The following XPR1 variants were observed in gnomAD, a reference collection of about 807,000 sequenced individuals.
XPR1 encodes the protein solute carrier family 53 member 1.
Under a neutral mutation model 87.5 loss-of-function variants are expected in XPR1, and 28 were observed. The ratio of observed to expected loss-of-function variants is 0.32; its 90% CI spans 0.24 to 0.44. The LOEUF (loss-of-function observed/expected upper bound fraction) is 0.44, where lower values mean the gene tolerates loss of function less well. Among genes scored for constraint, XPR1 ranks in the 20% least tolerant of loss-of-function variants. The pLI is 1.00. For synonymous variants in XPR1, 300 were observed against 306.1 expected, an observed-to-expected ratio of 0.98 and a Z score of 0.21; for missense variants, 559 against 862.3, an observed-to-expected ratio of 0.65 and a Z score of 4.41.
rs932723938 is a variant in XPR1, at chr1:180,720,279, A to G, written c.121+37868A>G. 5.3e-5 allele frequency among the ~76,000 whole-genome samples: 8 copies of G among 152,190 alleles called. No individual in the cohort carries two copies. The South Asian group carries it at 8.3e-4, about 16-fold the overall frequency. On this transcript the variant is annotated intron_variant, in intron 2 of 14. Transcript: ENST00000367590. Reference sequence around the variant, plus strand: ...ATAAACCTGATTATGAGGGATGGCAAATGTAATAATATATTGACAAAGGGT... The same window carrying G: ...ATAAACCTGATTATGAGGGATGGCAGATGTAATAATATATTGACAAAGGGT...
intron 2 of XPR1, among the ~76,000 whole-genome samples, chr1:180,752,014 A>G (rs1647553918): frequency 1.3e-5 from 2 of 152,180 alleles, no homozygotes; most frequent in Non-Finnish European, 2.9e-5. Context: ...AAAAATACCA[A>G]TATAATGATA....
At chr1:180,832,893 G>A (rs1651122445) in intron 9 of XPR1, among the ~76,000 whole-genome samples, 1 of 152,298 alleles carries the variant, frequency 6.6e-6, no homozygotes, top group South Asian at 2.1e-4. Flanking sequence ...TTACAATTCT[G>A]TGAAGAAAAT....
chr1:180,780,303 G>A (rs1377037376), intron 2 of XPR1, among the ~76,000 whole-genome samples: 1 of 152,074 alleles, frequency 6.6e-6, no homozygotes, highest in Non-Finnish European at 1.5e-5. Flanking sequence ...TCTAATTTCT[G>A]CATATTCTTA....
At chr1:180,831,370 T>TTTTC (rs1651058851) in intron 9 of XPR1, among the ~76,000 whole-genome samples, 1 of 149,592 alleles carries the variant, frequency 6.7e-6, no homozygotes, top group Non-Finnish European at 1.5e-5. Flanking sequence ...TTCTTTTTTT[T>TTTTC]TTTTTTTTTT....
intron 2 of XPR1, among the ~76,000 whole-genome samples, chr1:180,758,528 T>C (rs1347073101): frequency 6.6e-6 from 1 of 151,890 alleles, no homozygotes; most frequent in Admixed American, 6.6e-5. Context: ...GTCAACATGG[T>C]GAAACCCCAT....
At chr1:180,756,151 G>T (rs1647729038) in intron 2 of XPR1, among the ~76,000 whole-genome samples, 1 of 152,142 alleles carries the variant, frequency 6.6e-6, no homozygotes, top group Non-Finnish European at 1.5e-5. Context: ...TCCTGCCAAA[G>T]ATGCATAACT....
intron 1 of XPR1, among the ~76,000 whole-genome samples, chr1:180,660,782 A>G (rs1655743517): frequency 6.6e-6 from 1 of 152,214 alleles, no homozygotes; most frequent in African/African-American, 2.4e-5. Flanking sequence ...TCTATCCTTG[A>G]GAATGATCCA....
At chr1:180,850,921 T>A (rs66520411) in intron 11 of XPR1, among the ~76,000 whole-genome samples, 28,212 of 149,234 alleles carry the variant, frequency 0.19, 3,064 homozygotes, top group Middle Eastern at 0.31. Flanking sequence ...ATTGTACCAA[T>A]GTACTCCTGC....
chr1:180,813,100 A>C (rs1009347945), intron 7 of XPR1, among the ~76,000 whole-genome samples: 2 of 139,696 alleles, frequency 1.4e-5, no homozygotes, highest in African/African-American at 5.3e-5. Flanking sequence ...ATTCATGGCT[A>C]CTCTTAAAAT....
chr1:180,774,288 A>G (rs1455316432), intron 2 of XPR1, among the ~76,000 whole-genome samples: 2 of 152,246 alleles, frequency 1.3e-5, no homozygotes, highest in Non-Finnish European at 2.9e-5. Context: ...TTTTGCAACA[A>G]AGATGTAGTT....
At chr1:180,844,205 C>T (rs993881072) in intron 11 of XPR1, among the ~76,000 whole-genome samples, 5 of 151,928 alleles carry the variant, frequency 3.3e-5, no homozygotes, top group Non-Finnish European at 5.9e-5. Context: ...GGCAAGACTC[C>T]GTCTAAGAAA....
At chr1:180,845,552 T>G (rs1651653452) in intron 11 of XPR1, among the ~76,000 whole-genome samples, 1 of 152,210 alleles carries the variant, frequency 6.6e-6, no homozygotes, top group Admixed American at 6.5e-5. Context: ...GGTCTTGCTC[T>G]GTCACCCAGG....
chr1:180,694,773 G>GCACACA (rs56118040), intron 2 of XPR1, among the ~76,000 whole-genome samples: 1,535 of 149,622 alleles, frequency 0.01, 19 homozygotes, highest in Middle Eastern at 0.025. Flanking sequence ...ATTGTTGTGT[G>GCACACA]CACACACACA....
chr1:180,728,346 G>T (rs1658432458), intron 2 of XPR1, among the ~76,000 whole-genome samples: 1 of 139,196 alleles, frequency 7.2e-6, no homozygotes, highest in Non-Finnish European at 1.5e-5. Flanking sequence ...TACAAGCTGT[G>T]GGCAGTGAGA....
chr1:180,675,359 C>G (rs963301694), intron 1 of XPR1, among the ~76,000 whole-genome samples: 1 of 152,152 alleles, frequency 6.6e-6, no homozygotes, highest in Non-Finnish European at 1.5e-5. Context: ...TAAAGCAGCA[C>G]TTTACATAAG....
At chr1:180,752,940 A>G (rs1020242349) in intron 2 of XPR1, among the ~76,000 whole-genome samples, 4 of 152,236 alleles carry the variant, frequency 2.6e-5, no homozygotes, top group African/African-American at 9.6e-5. Context: ...AGAAGTTGAT[A>G]GAAGTATTGT....
intron 13 of XPR1, among the ~76,000 whole-genome samples, chr1:180,876,396 G>C (rs943274510): frequency 6.6e-6 from 1 of 152,190 alleles, no homozygotes; most frequent in East Asian, 1.9e-4. Flanking sequence ...AGCACTTTGG[G>C]AGGCTGAGGT....
intron 1 of XPR1, among the ~76,000 whole-genome samples, chr1:180,654,200 T>G (rs1655377093): frequency 6.6e-6 from 1 of 152,122 alleles, no homozygotes; most frequent in Non-Finnish European, 1.5e-5. Flanking sequence ...GCCATCATGG[T>G]CTCAGCTCTC....
chr1:180,704,245 G>GATATATATATGTATATATATAT (rs1553238718), intron 2 of XPR1, among the ~76,000 whole-genome samples: 1 of 66,026 alleles, frequency 1.5e-5, no homozygotes, highest in East Asian at 3.6e-4. Flanking sequence ...ATAGGTGCTG[G>GATATATATATGTATATATATAT]ATATATATAT....
Sources: gnomAD v4.1 joint callset for allele counts (sites outside exome capture counted in the v4.1 genomes callset) on GRCh38, gnomAD v4.1.1 for gene constraint, MANE v1.5 for transcripts, NCBI Gene and HGNC (gene_info 2026-07-23, HGNC 2026-07-21) for gene names.